Variants in THSD4 observed in about 807,000 individuals in gnomAD.
THSD4 encodes thrombospondin type 1 domain containing 4.
In THSD4, 69 loss-of-function variants were observed where a neutral mutation model predicts 119.0. The ratio of observed to expected loss-of-function variants is 0.58; its 90% CI spans 0.48 to 0.71. THSD4 has a LOEUF of 0.71. Among genes scored for constraint, THSD4 ranks in the 30% least tolerant of loss-of-function variants. The probability of loss-of-function intolerance (pLI) is 0.00; values close to 1 mark genes in which losing one functional copy is unlikely to be tolerated. For missense variants in THSD4, 1,393 were observed against 1,391.1 expected, an observed-to-expected ratio of 1.00 and a Z score of -0.02; for synonymous variants, 524 against 540.4, an observed-to-expected ratio of 0.97 and a Z score of 0.42.
chr15:71,358,978 G>A (rs187545787), intron 6 of THSD4, among the ~76,000 whole-genome samples: 75 of 152,272 alleles, frequency 4.9e-4, no homozygotes, highest in Admixed American at 3.4e-3. Context: ...CACCCTGTCA[G>A]CTATTTAGGT....
intron 7 of THSD4, among the ~76,000 whole-genome samples, chr15:71,590,570 A>C: frequency 1.1e-5 from 1 of 90,550 alleles, no homozygotes; most frequent in Non-Finnish European, 2.3e-5. Context: ...GGGTGGGGGG[A>C]GGGAGAGCAT....
chr15:71,720,491 C>G (rs1052395879), intron 8 of THSD4, among the ~76,000 whole-genome samples: 1 of 152,172 alleles, frequency 6.6e-6, no homozygotes, highest in African/African-American at 2.4e-5. Context: ...TATATGATTT[C>G]CGTTGGTGAT....
chr15:71,286,570 G>T (rs1288775105), intron 6 of THSD4, among the ~76,000 whole-genome samples: 1 of 152,096 alleles, frequency 6.6e-6, no homozygotes, highest in Non-Finnish European at 1.5e-5. Context: ...TGGGCATTTG[G>T]GTTCCATGGC....
intron 4 of THSD4, among the ~76,000 whole-genome samples, chr15:71,236,188 G>A (rs900093690): frequency 3.3e-4 from 50 of 152,184 alleles, no homozygotes; most frequent in Non-Finnish European, 6.0e-4. Flanking sequence ...AAATAAACAC[G>A]GAGAGCCTAA....
intron 6 of THSD4, among the ~76,000 whole-genome samples, chr15:71,367,017 T>C (rs1018929694): frequency 1.3e-5 from 2 of 152,216 alleles, no homozygotes; most frequent in Non-Finnish European, 2.9e-5. Flanking sequence ...TTCCATCTTC[T>C]GTGTGAACAA....
chr15:71,551,927 C>T (rs773173035), intron 7 of THSD4, among the ~76,000 whole-genome samples: 3 of 152,212 alleles, frequency 2.0e-5, no homozygotes, highest in Non-Finnish European at 4.4e-5. Flanking sequence ...TGGGAACCCT[C>T]CCCAAATCCA....
intron 7 of THSD4, among the ~76,000 whole-genome samples, chr15:71,575,287 C>A (rs901835847): frequency 3.9e-5 from 6 of 152,174 alleles, no homozygotes; most frequent in African/African-American, 1.4e-4. Flanking sequence ...AATACAAAGA[C>A]CATGTGACAT....
chr15:71,605,502 T>G (rs557235959), intron 7 of THSD4, among the ~76,000 whole-genome samples: 1 of 152,274 alleles, frequency 6.6e-6, no homozygotes, highest in African/African-American at 2.4e-5. Context: ...CATTACTAAC[T>G]ACTGAACAAA....
chr15:71,412,152 G>A (rs914761739), intron 7 of THSD4, among the ~76,000 whole-genome samples: 1 of 152,236 alleles, frequency 6.6e-6, no homozygotes, highest in Non-Finnish European at 1.5e-5. Context: ...GTTATGGAAA[G>A]GGCACTGCTG....
At chr15:71,678,952 A>G (rs1470067420) in intron 8 of THSD4, among the ~76,000 whole-genome samples, 2 of 151,978 alleles carry the variant, frequency 1.3e-5, no homozygotes, top group East Asian at 3.8e-4. Context: ...ATCAATATTT[A>G]TTTTTCCCTT....
At chr15:71,199,606 G>GCA (rs2043758521) in intron 3 of THSD4, among the ~76,000 whole-genome samples, 26 of 147,834 alleles carry the variant, frequency 1.8e-4, no homozygotes, top group African/African-American at 5.4e-4. Context: ...GATGTATGGT[G>GCA]TGTGTGGTGT....
chr15:71,424,861 G>A lies in THSD4; in HGVS notation c.1152+13038G>A, dbSNP rs113989271. Among the ~76,000 whole-genome samples, 1,498 of 152,218 alleles carry A rather than the reference G, an allele frequency of 9.8e-3. 24 individuals are homozygous for A. The highest frequency in any genetic ancestry group is 0.034 in the African/African-American group (1,403 of 41,506). ...AAAATAGATGAAACTTTGCCTTGAA[G>A]GTATAGCAGGCATTTGAAAGAACAG... On this transcript the variant is annotated intron_variant, in intron 7 of 17. Coordinates refer to ENST00000261862, the MANE Select transcript of THSD4 (RefSeq NM_024817.3).
At chr15:71,629,241 C>T (rs973772644) in intron 7 of THSD4, among the ~76,000 whole-genome samples, 1 of 152,156 alleles carries the variant, frequency 6.6e-6, no homozygotes, top group Admixed American at 6.5e-5. Flanking sequence ...GCACTGTCTG[C>T]CCAGTAAGGC....
chr15:71,596,724 T>TC (rs1413380682), intron 7 of THSD4, among the ~76,000 whole-genome samples: 1 of 152,230 alleles, frequency 6.6e-6, no homozygotes, highest in Non-Finnish European at 1.5e-5. Flanking sequence ...TCTGTTTGTT[T>TC]CCCCTTCTAC....
intron 4 of THSD4, among the ~76,000 whole-genome samples, chr15:71,232,565 G>T (rs1160055427): frequency 6.6e-6 from 1 of 152,066 alleles, no homozygotes; most frequent in African/African-American, 2.4e-5. Flanking sequence ...TGGGCTGGAA[G>T]TACAGAAGTA....
intron 6 of THSD4, among the ~76,000 whole-genome samples, chr15:71,320,598 T>C (rs2140360005): frequency 1.3e-5 from 2 of 152,276 alleles, no homozygotes; most frequent in South Asian, 4.1e-4. Flanking sequence ...GAAAAAAAGA[T>C]CCAAGTAGCC....
intron 1 of THSD4, among the ~76,000 whole-genome samples, chr15:71,124,951 C>T (rs1440856226): frequency 2.0e-5 from 3 of 151,842 alleles, no homozygotes; most frequent in Admixed American, 2.0e-4. Context: ...CACCTGTGGT[C>T]CCAGCTACAT....
chr15:71,313,659 G>T (rs1051264688), intron 6 of THSD4, among the ~76,000 whole-genome samples: 1 of 152,048 alleles, frequency 6.6e-6, no homozygotes, highest in African/African-American at 2.4e-5. Flanking sequence ...TTTGAGGGAA[G>T]GAGAGACTCT....
chr15:71,234,927 G>T (rs899025759), intron 4 of THSD4, among the ~76,000 whole-genome samples: 1 of 152,202 alleles, frequency 6.6e-6, no homozygotes, highest in African/African-American at 2.4e-5. Context: ...CTGCACTGAG[G>T]ATCCCCACAC....
Sources: allele counts gnomAD v4.1 joint callset (sites outside exome capture counted in the v4.1 genomes callset), GRCh38; gene constraint gnomAD v4.1.1; transcripts MANE v1.5; gene names NCBI Gene and HGNC (gene_info 2026-07-23, HGNC 2026-07-21).